Variants in PHLDB2 observed in about 807,000 individuals in gnomAD.
PHLDB2 encodes pleckstrin homology-like domain family B member 2.
In PHLDB2, 71 loss-of-function variants were observed where a neutral mutation model predicts 123.6. The observed-to-expected ratio is 0.57, with a 90% CI of 0.47 to 0.70. PHLDB2 has a LOEUF of 0.70. PHLDB2 is among the 30% of genes least tolerant of loss of function. The probability of loss-of-function intolerance (pLI) is 0.00; values close to 1 mark genes in which losing one functional copy is unlikely to be tolerated. For synonymous variants in PHLDB2, 547 were observed against 541.6 expected, an observed-to-expected ratio of 1.01 and a Z score of -0.14; for missense variants, 1,446 against 1,519.5, an observed-to-expected ratio of 0.95 and a Z score of 0.80.
At chr3:111,866,013 C>CTTTTTTTTTTTTTTT (rs1239058039) in intron 1 of PHLDB2, among the ~76,000 whole-genome samples, 2 of 47,670 alleles carry the variant, frequency 4.2e-5, no homozygotes, top group African/African-American at 6.3e-5. Context: ...CCCACCCACT[C>CTTTTTTTTTTTTTTT]ATTTTTTTTT....
At chr3:111,929,634 C>G (rs930905510) in intron 5 of PHLDB2, among the ~76,000 whole-genome samples, 2 of 152,188 alleles carry the variant, frequency 1.3e-5, no homozygotes, top group Non-Finnish European at 2.9e-5. Flanking sequence ...CTGGCACTCA[C>G]AGGAGTTATA....
Position 111,756,190 on chromosome 3 carries a change from T to G in PHLDB2, c.-49+23487T>G, listed in dbSNP as rs548670019. On this transcript the variant is annotated intron_variant, in intron 1 of 17. Coordinates refer to the PHLDB2 transcript ENST00000393923. The stretch of plus-strand genomic sequence containing the variant: ...TAGGTCCGCTTGGTGCAGAGCTGAG[T>G]TCAATTCCTGGGTATCCTTGTTAAC... 5.9e-3 allele frequency among the ~76,000 whole-genome samples: 892 copies of G among 152,062 alleles called. 4 individuals carry two copies. Among genetic ancestry groups the G allele is most frequent in the Non-Finnish European group, 8.9e-3 (603 of 68,008 alleles).
chr3:111,798,888 T>G (rs961423474), intron 1 of PHLDB2, among the ~76,000 whole-genome samples: 2 of 152,112 alleles, frequency 1.3e-5, no homozygotes, highest in Non-Finnish European at 1.5e-5. Context: ...TCCACTCTCA[T>G]GCTGCTAATA....
At chr3:111,876,346 A>G (rs2065619358) in intron 1 of PHLDB2, among the ~76,000 whole-genome samples, 2 of 152,124 alleles carry the variant, frequency 1.3e-5, no homozygotes, top group African/African-American at 4.8e-5. Flanking sequence ...AAGAACACTG[A>G]CACCCTGCTA....
intron 2 of PHLDB2, among the ~76,000 whole-genome samples, chr3:111,908,210 A>G (rs943314571): frequency 3.3e-5 from 5 of 152,166 alleles, no homozygotes; most frequent in African/African-American, 1.2e-4. Flanking sequence ...TGAGTATGAC[A>G]TAGATAATCT....
chr3:111,737,124 C>T (rs927635254), intron 1 of PHLDB2, among the ~76,000 whole-genome samples: 7 of 152,182 alleles, frequency 4.6e-5, no homozygotes, highest in African/African-American at 1.7e-4. Flanking sequence ...GCTACAGTTA[C>T]AGGAGGAAAC....
At chr3:111,864,875 A>C (rs1033802447) in intron 1 of PHLDB2, among the ~76,000 whole-genome samples, 7 of 152,244 alleles carry the variant, frequency 4.6e-5, no homozygotes, top group African/African-American at 9.6e-5. Flanking sequence ...CTTGCTGCTA[A>C]TTCAGTGGGA....
At chr3:111,812,679 G>T (rs926351594) in intron 1 of PHLDB2, among the ~76,000 whole-genome samples, 2 of 152,164 alleles carry the variant, frequency 1.3e-5, no homozygotes, top group African/African-American at 4.8e-5. Flanking sequence ...GCTTCATTAA[G>T]ATTTTTTCCC....
At chr3:111,758,027 C>T (rs1466150348) in intron 1 of PHLDB2, among the ~76,000 whole-genome samples, 1 of 152,162 alleles carries the variant, frequency 6.6e-6, no homozygotes, top group African/African-American at 2.4e-5. Context: ...GGGTGCCTCC[C>T]AGTTAGGCTG....
chr3:111,944,733 T>G (rs946468243), intron 8 of PHLDB2, among the ~76,000 whole-genome samples: 3 of 152,192 alleles, frequency 2.0e-5, no homozygotes, highest in Non-Finnish European at 4.4e-5. Context: ...CAGGCTGCAG[T>G]GCAGTGGCGC....
chr3:111,896,366 A>G (rs2066871510), intron 2 of PHLDB2, among the ~76,000 whole-genome samples: 1 of 144,812 alleles, frequency 6.9e-6, no homozygotes, highest in Admixed American at 7.0e-5. Context: ...CCGCCCCGAG[A>G]CGGAGTCTCC....
chr3:111,969,420 A>T (rs557067062), intron 15 of PHLDB2, among the ~76,000 whole-genome samples: 1 of 152,148 alleles, frequency 6.6e-6, no homozygotes, highest in African/African-American at 2.4e-5. Context: ...ATAAATGACC[A>T]TTTTTCATTT....
intron 12 of PHLDB2, chr3:111,957,680 T>A (rs2071140889): frequency 6.6e-6 from 1 of 152,274 alleles, no homozygotes; most frequent in African/African-American, 2.4e-5. Context: ...AGGAAGCTCC[T>A]ACTTATTCAT....
At chr3:111,739,805 A>ATCAAAGAAGGGAGACTGCATC (rs1182845164) in intron 1 of PHLDB2, among the ~76,000 whole-genome samples, 2 of 152,022 alleles carry the variant, frequency 1.3e-5, no homozygotes, top group African/African-American at 4.8e-5. Flanking sequence ...GAGAGGGCAT[A>ATCAAAGAAGGGAGACTGCATC]TCAAAGAAGG....
chr3:111,921,161 T>A (rs1412519163), intron 5 of PHLDB2, among the ~76,000 whole-genome samples: 1 of 152,194 alleles, frequency 6.6e-6, no homozygotes, highest in Non-Finnish European at 1.5e-5. Flanking sequence ...TGTTTATGTG[T>A]TTTTTTCCTC....
At chr3:111,752,246 G>GTGTA (rs1414839630) in intron 1 of PHLDB2, among the ~76,000 whole-genome samples, 1 of 143,484 alleles carries the variant, frequency 7.0e-6, no homozygotes, top group African/African-American at 2.8e-5. Context: ...GTGTGTCTGT[G>GTGTA]TCTGTGTGTG....
At chr3:111,954,087 G>A in intron 12 of PHLDB2, 58 bp downstream of exon 12, 4 of 1,495,752 alleles carry the variant, frequency 2.7e-6, no homozygotes, top group Non-Finnish European at 2.8e-6. Flanking sequence ...AATTCTTCAG[G>A]GGGAGGAAGT....
chr3:111,921,520 C>G (rs2068498394), intron 5 of PHLDB2, among the ~76,000 whole-genome samples: 1 of 151,296 alleles, frequency 6.6e-6, no homozygotes. Flanking sequence ...TGCTACACAT[C>G]AATTTCTTGG....
chr3:111,818,994 C>T (rs899755114), intron 1 of PHLDB2, among the ~76,000 whole-genome samples: 1 of 152,272 alleles, frequency 6.6e-6, no homozygotes, highest in Non-Finnish European at 1.5e-5. Flanking sequence ...CATTTTCTCA[C>T]AGTTTTGGAG....
Sources: gnomAD v4.1 joint callset for allele counts (sites outside exome capture counted in the v4.1 genomes callset) on GRCh38, gnomAD v4.1.1 for gene constraint, MANE v1.5 for transcripts, NCBI Gene and HGNC (gene_info 2026-07-23, HGNC 2026-07-21) for gene names.